ASH1L: variants seen among roughly 807,000 people sequenced by gnomAD.
ASH1L encodes ASH1 like histone lysine methyltransferase.
Under a neutral mutation model 269.0 loss-of-function variants are expected in ASH1L, and 23 were observed. The observed-to-expected ratio is 0.09, with a 90% confidence interval of 0.06 to 0.12. The LOEUF (loss-of-function observed/expected upper bound fraction) is 0.12. Among genes scored for constraint, ASH1L ranks in the 10% least tolerant of loss-of-function variants. The pLI is 1.00. For missense variants in ASH1L, 2,912 were observed against 3,567.8 expected (o/e 0.82, Z 4.68); for synonymous variants, 1,187 against 1,253.5 (o/e 0.95, Z 1.12).
In ASH1L at chr1:155,479,714, A is replaced by T. The variant is rs1229052701; in HGVS notation, c.3156T>A (p.Gly1052=). 5.0e-6 allele frequency: 8 copies of T among 1,613,714 alleles called. No individual in the cohort carries two copies. Among genetic ancestry groups the T allele is most frequent in the East Asian group, 2.2e-5 (1 of 44,868 alleles). The change falls in exon 3 of 28, where the codon GGT becomes GGA. Residue 1052 remains glycine, a synonymous_variant. Coordinates refer to ENST00000392403, the MANE Select transcript of ASH1L (RefSeq NM_018489.3). ...CATTTAAGACAGTTTTTGGTTTGCGACCTCTTCTCTTTCCTATATAAATGG... is the reference window on the plus strand; with the variant it reads ...CATTTAAGACAGTTTTTGGTTTGCGTCCTCTTCTCTTTCCTATATAAATGG... ...KGTIYIGKRR[G]RKPKTVLNGI...
chr1:155,549,451 A>G (rs1571135560), intron 1 of ASH1L, among the ~76,000 whole-genome samples: 1 of 152,094 alleles, frequency 6.6e-6, no homozygotes, highest in East Asian at 1.9e-4. Context: ...CAGCCTGGGC[A>G]ACATAGTGAA....
chr1:155,360,556 G>C (rs1365676496), intron 12 of ASH1L, 147 bp from the exon 13 acceptor site: 2 of 562,756 alleles, frequency 3.6e-6, no homozygotes, highest in African/African-American at 3.8e-5. Context: ...CGATTCTCCT[G>C]CCTCAGCCTC....
intron 7 of ASH1L, among the ~76,000 whole-genome samples, chr1:155,393,171 G>C (rs1001557996): frequency 1.3e-5 from 2 of 152,146 alleles, no homozygotes; most frequent in Non-Finnish European, 2.9e-5. Context: ...AGTTTATGTA[G>C]CTGAGAATTA....
chr1:155,557,848 T>C (rs1396837446), intron 1 of ASH1L, among the ~76,000 whole-genome samples: 1 of 152,194 alleles, frequency 6.6e-6, no homozygotes, highest in Non-Finnish European at 1.5e-5. Flanking sequence ...TTTCCACCTC[T>C]TGCGGCACCC....
intron 6 of ASH1L, among the ~76,000 whole-genome samples, chr1:155,403,672 T>A (rs1207389912): frequency 6.6e-6 from 1 of 152,036 alleles, no homozygotes; most frequent in Non-Finnish European, 1.5e-5. Context: ...CCTGAAAAAA[T>A]TCCAAATATA....
rs952600184 is a variant in ASH1L, at chr1:155,438,786, C to T, written c.5369G>A (p.Cys1790Tyr). 25 of 1,614,060 alleles carry T rather than the reference C, an allele frequency of 1.5e-5. No individual in the cohort carries two copies. Among genetic ancestry groups the T allele is most frequent in the Non-Finnish European group, 1.9e-5 (23 of 1,180,052 alleles). ...SLLSEKLTSS[C>Y]SPHHIKRSVV... Reference sequence around the variant, plus strand: ...ACTTCTCTTGATATGATGGGGGGAACAGCTGCTTGTCAACTTTTCAGATAG... The same window carrying T: ...ACTTCTCTTGATATGATGGGGGGAATAGCTGCTTGTCAACTTTTCAGATAG... The change falls in exon 5 of 28, where the codon TGT (cysteine) becomes TAT (tyrosine). Residue 1790 changes from cysteine to tyrosine, a missense_variant. Cys to Tyr is a radical substitution (Grantham distance 194, BLOSUM62 -2). Coordinates refer to ENST00000392403, the MANE Select transcript of ASH1L (RefSeq NM_018489.3).
At chr1:155,488,050 C>A in intron 2 of ASH1L, among the ~76,000 whole-genome samples, 1 of 151,836 alleles carries the variant, frequency 6.6e-6, no homozygotes, top group Non-Finnish European at 1.5e-5. Flanking sequence ...GCAGGCCCAG[C>A]TAATTTTTGA....
At chr1:155,358,081 T>G (rs555458900) in intron 13 of ASH1L, among the ~76,000 whole-genome samples, 15 of 152,178 alleles carry the variant, frequency 9.9e-5, no homozygotes, top group Non-Finnish European at 1.8e-4. Flanking sequence ...GAGAATAATT[T>G]TTTTTTAGCT....
At chr1:155,553,693 T>C (rs1031038720) in intron 1 of ASH1L, among the ~76,000 whole-genome samples, 1 of 152,184 alleles carries the variant, frequency 6.6e-6, no homozygotes, top group Non-Finnish European at 1.5e-5. Flanking sequence ...CTTCCCCACC[T>C]TGGACAAAAA....
At chr1:155,562,867 A>ACCGCCGCCACGGCCG (rs1672140027), upstream of ASH1L, 1 of 330,894 alleles carries the variant, frequency 3.0e-6, no homozygotes, top group East Asian at 1.3e-4. Flanking sequence ...ACGGCCACCA[A>ACCGCCGCCACGGCCG]CCGCCGCCAC....
intron 3 of ASH1L, among the ~76,000 whole-genome samples, chr1:155,460,239 T>C (rs1290602822): frequency 6.6e-6 from 1 of 152,228 alleles, no homozygotes. Context: ...TAACAATATT[T>C]TAACCAAATC....
intron 5 of ASH1L, among the ~76,000 whole-genome samples, chr1:155,437,320 A>G (rs114662639): frequency 0.022 from 3,403 of 152,322 alleles, 116 homozygotes; most frequent in African/African-American, 0.078. Flanking sequence ...CTAAAGATAC[A>G]TAAATGGCCA....
At position 155,562,354 on chromosome 1, in the gene ASH1L, G is replaced by A. The variant is rs770324235; in HGVS notation, c.-301C>T. On this transcript the variant is annotated 5_prime_UTR_variant, in exon 1 of 28. Transcript: ENST00000392403. The stretch of plus-strand genomic sequence containing the variant: ...TGGAAGGCTAAAGGGGGCAAACTGA[G>A]GGGAGGCGGGTCCCGCAACCGAGAC... 6.5e-7 allele frequency: 1 copy of A among 1,533,294 alleles called. No homozygotes were observed. Among genetic ancestry groups the A allele is most frequent in the Non-Finnish European group, 8.9e-7 (1 of 1,123,630 alleles). 95.0% of individuals were successfully genotyped at this position (1,533,294 alleles called of 1,614,324 possible).
chr1:155,341,462 C>T (rs1043921285), intron 25 of ASH1L, among the ~76,000 whole-genome samples: 3 of 152,160 alleles, frequency 2.0e-5, no homozygotes, highest in Non-Finnish European at 2.9e-5. Context: ...AGGCGTGAGC[C>T]ACCGCGCCTG....
At chr1:155,397,475 C>A (rs540497222) in intron 6 of ASH1L, among the ~76,000 whole-genome samples, 2 of 143,718 alleles carry the variant, frequency 1.4e-5, no homozygotes, top group South Asian at 2.2e-4. Flanking sequence ...ACAGCCTAGA[C>A]AACAAGAGCG....
chr1:155,422,517 G>C (rs548844129), intron 5 of ASH1L, among the ~76,000 whole-genome samples: 25 of 151,640 alleles, frequency 1.6e-4, no homozygotes, highest in African/African-American at 5.3e-4. Flanking sequence ...CAAAGTGGGA[G>C]GCATGCCTGG....
rs1672071050 is a variant in ASH1L, at chr1:155,562,431, G to GGCGGCGGCGGCGGCAGCAGCA, written c.-399_-379dup. The GGCGGCGGCGGCGGCAGCAGCA allele has an allele frequency of 6.8e-7, 1 of 1,463,844 alleles. No homozygotes were observed. Among genetic ancestry groups the GGCGGCGGCGGCGGCAGCAGCA allele is most frequent in the Admixed American group, 2.0e-5 (1 of 50,642 alleles). 90.7% of individuals were successfully genotyped at this position (1,463,844 alleles called of 1,614,324 possible). Reference sequence around the variant, plus strand: ...AACCCAAAATGGCGGCGGGAGCGGCGGCGGCGGCGGCGGCAGCAGCAGAGT... The same window carrying GGCGGCGGCGGCGGCAGCAGCA: ...AACCCAAAATGGCGGCGGGAGCGGCGGCGGCGGCGGCGGCAGCAGCAGCGGCGGCGGCGGCAGCAGCAGAGT... On this transcript the variant is annotated 5_prime_UTR_variant, in exon 1 of 28. Coordinates refer to ENST00000392403, the MANE Select transcript of ASH1L (RefSeq NM_018489.3).
At chr1:155,534,777 A>G (rs577694566) in intron 1 of ASH1L, among the ~76,000 whole-genome samples, 13 of 152,342 alleles carry the variant, frequency 8.5e-5, no homozygotes, top group African/African-American at 3.1e-4. Flanking sequence ...ACGGAATTTT[A>G]TAAGATTTTT....
rs147990942 is a variant in ASH1L at position 155,478,277 on chromosome 1, C to G, written c.4593G>C (p.Lys1531Asn). The G allele has an allele frequency of 4.2e-5, 67 of 1,613,962 alleles. No homozygotes were observed. Among genetic ancestry groups the G allele is most frequent in the African/African-American group, 1.3e-5 (1 of 74,868 alleles). The change falls in exon 3 of 28, where the codon AAG becomes AAC. Residue 1531 changes from lysine (K) to asparagine (N), a missense_variant. Around this residue, in one of 13 missense-constraint regions of ASH1L, gnomAD observed 789 missense variants for 897.6 expected, o/e 0.88. Transcript: ENST00000392403. The surrounding 1 kb of genome is among the most constrained non-coding windows in gnomAD (Gnocchi z 4.6). ...AGGACATGTGACAACGGTGCTTTTCCTTATGCTTATATCGCTCTCCAACAG... is the reference window on the plus strand; with the variant it reads ...AGGACATGTGACAACGGTGCTTTTCGTTATGCTTATATCGCTCTCCAACAG... The part of the protein sequence containing the change: ...KDAVGERYKH[K>N]EKHRCHMSCP...
Sources: allele counts gnomAD v4.1 joint callset (sites outside exome capture counted in the v4.1 genomes callset), GRCh38; gene constraint gnomAD v4.1.1; regional missense constraint gnomAD v4.1.1; non-coding constraint Gnocchi (gnomAD v3.1); transcripts MANE v1.5; gene names NCBI Gene and HGNC (gene_info 2026-07-23, HGNC 2026-07-21).